The following ZEB2 variants were observed in gnomAD, a reference collection of about 807,000 sequenced individuals.
ZEB2 encodes zinc finger E-box binding homeobox 2.
In ZEB2, 6 loss-of-function variants were observed where a neutral mutation model predicts 99.9. The ratio of observed to expected loss-of-function variants is 0.06; its 90% CI spans 0.03 to 0.12. The LOEUF is 0.12. Ranked by LOEUF, ZEB2 falls within the 10% of genes least tolerant of loss-of-function variation. The pLI is 1.00. For synonymous variants in ZEB2, 517 were observed against 542.5 expected (o/e 0.95, Z 0.65); for missense variants, 969 against 1,502.8 (o/e 0.64, Z 5.87).
intron 2 of ZEB2, chr2:144,470,471 A>T (rs577963594): frequency 6.6e-6 from 1 of 152,144 alleles, no homozygotes; most frequent in African/African-American, 2.4e-5. Flanking sequence ...ATTTGTAATA[A>T]ATGTTCTGCC....
intron 2 of ZEB2, among the ~76,000 whole-genome samples, chr2:144,443,359 C>G (rs1703940364): frequency 6.6e-6 from 1 of 152,090 alleles, no homozygotes; most frequent in African/African-American, 2.4e-5. Context: ...TAAGTATATG[C>G]AAATTCCAAT....
At position 144,511,441 on chromosome 2, in the gene ZEB2, G is replaced by C. The variant is rs983186336; in HGVS notation, c.73+5837C>G. 6.4e-6 allele frequency: 8 copies of C among 1,247,876 alleles called. No individual in the cohort carries two copies. In the African/African-American group the frequency reaches 1.3e-4, roughly 20 times the overall value. The allele number at this position is 1,247,876 out of a possible 1,614,324, so 77.3% of individuals were successfully genotyped here. A position where few individuals can be genotyped will look rare whatever the true frequency, so the allele number is the denominator to read the frequency against. Reference sequence around the variant, plus strand: ...TAACTACTAGTTACACTTTTCCTGAGAGATTTCACTCTGACATGACTGTCA... The same window carrying C: ...TAACTACTAGTTACACTTTTCCTGACAGATTTCACTCTGACATGACTGTCA... On this transcript the variant is annotated intron_variant, in intron 2 of 9. Transcript: ENST00000627532.
intron 2 of ZEB2, among the ~76,000 whole-genome samples, chr2:144,498,969 C>T (rs999860182): frequency 2.0e-5 from 3 of 152,114 alleles, no homozygotes; most frequent in African/African-American, 7.2e-5. Context: ...TTATTTTTCA[C>T]CTTTCTCCCG....
intron 2 of ZEB2, among the ~76,000 whole-genome samples, chr2:144,468,254 C>T (rs1486312217): frequency 6.6e-6 from 1 of 152,146 alleles, no homozygotes; most frequent in African/African-American, 2.4e-5. Context: ...ACAAGGCCTC[C>T]TACAGTTGGA....
chr2:144,498,032 A>T (rs111831044), intron 2 of ZEB2, among the ~76,000 whole-genome samples: 3 of 45,738 alleles, frequency 6.6e-5, no homozygotes, highest in Admixed American at 4.6e-4. Flanking sequence ...ATATTATATA[A>T]TATATATTAA....
rs1553963753 is a variant in ZEB2, at chr2:144,424,919, T to TAC, written c.332-54_332-53dup. 1.9e-6 allele frequency: 3 copies of TAC among 1,577,366 alleles called. No individual in the cohort carries two copies. The African/African-American group carries it at 4.0e-5, about 21-fold the overall frequency. ...TTGAGAATTGTAGAAAGGCTTACTA[T>TAC]ACTAAGCATGCCAAGCACAGGAACA... On this transcript the variant is annotated intron_variant, in intron 3 of 9. Transcript: ENST00000627532.
At chr2:144,450,110 AATAAAT>A (rs1469793218) in intron 2 of ZEB2, 1 of 150,764 alleles carries the variant, frequency 6.6e-6, no homozygotes, top group African/African-American at 2.4e-5. Context: ...GAATTAATAC[AATAAAT>A]ACAACATAGC....
chr2:144,399,881 T>C lies in ZEB2; in HGVS notation c.1306A>G (p.Met436Val), dbSNP rs145812868. The change falls in exon 8 of 10, where the codon ATG becomes GTG. Residue 436 changes from methionine (M) to valine (V), a missense_variant. This residue lies in a region of ZEB2 where 227 missense variants were observed against 278.2 expected (regional missense o/e 0.82). Coordinates refer to ENST00000627532, the MANE Select transcript of ZEB2 (RefSeq NM_014795.4). This position sits in a 1 kb window ranked among gnomAD's most constrained non-coding sequence, Gnocchi z 5.6. ...TCCATCCCTACACCTAAGTGCTGCA[T>C]TGGACTCTGAGCAGATGGATGAACT... The part of the protein sequence containing the change: ...LGVHPSAQSP[M>V]QHLGVGMEAP... The C allele has an allele frequency of 1.4e-4, 223 of 1,614,210 alleles. 1 individual carries two copies. Among genetic ancestry groups the C allele is most frequent in the Admixed American group, 9.8e-4 (59 of 60,026 alleles).
Position 144,497,995 on chromosome 2 carries a change from ATATATTATATAAT to A in ZEB2, c.73+19270_73+19282del, listed in dbSNP as rs1176487366. Among the ~76,000 whole-genome samples the A allele has an allele frequency of 8.2e-3, 18 of 2,208 alleles. 2 individuals carry two copies. Among genetic ancestry groups the A allele is most frequent in the East Asian group, 0.029 (1 of 34 alleles). 1.4% of individuals were successfully genotyped at this position (2,208 alleles called of 152,430 possible). A position where few individuals can be genotyped will look rare whatever the true frequency, so the allele number is the denominator to read the frequency against. ...ATATATTATATAATATATTAATATTATATATTATATAATATATTAATATTATATATTATATAAT... is the reference window on the plus strand; with the variant it reads ...ATATATTATATAATATATTAATATTAATATTAATATTATATATTATATAAT... On this transcript the variant is annotated intron_variant, in intron 2 of 9. Transcript: ENST00000627532.
chr2:144,385,747 T>C lies in ZEB2; in HGVS notation c.*3704A>G, dbSNP rs1191516743. ...TTCAGTTCAAATACATGTAAACTTA[T>C]TATTGGGCAGTCTCCTCAAATTTGT... On this transcript the variant is annotated 3_prime_UTR_variant, in exon 10 of 10. Transcript: ENST00000627532. 6.6e-6 allele frequency: 1 copy of C among 152,222 alleles called. No homozygotes were observed. The highest frequency in any genetic ancestry group is 1.5e-5 in the Non-Finnish European group (1 of 68,034). The allele number at this position is 152,222 out of a possible 1,614,324, so 9.4% of individuals were successfully genotyped here.
chr2:144,474,917 T>G (rs1316167902), intron 2 of ZEB2, among the ~76,000 whole-genome samples: 2 of 152,234 alleles, frequency 1.3e-5, no homozygotes, highest in African/African-American at 4.8e-5. Context: ...TTACAAGAAT[T>G]ACTTTCTTAC....
At chr2:144,505,462 G>A (rs1704939490) in intron 2 of ZEB2, among the ~76,000 whole-genome samples, 1 of 152,210 alleles carries the variant, frequency 6.6e-6, no homozygotes, top group South Asian at 2.1e-4. Context: ...TGCAGTTTCA[G>A]AGTACTGATT....
chr2:144,472,129 G>C (rs1246648662), intron 2 of ZEB2, among the ~76,000 whole-genome samples: 1 of 152,008 alleles, frequency 6.6e-6, no homozygotes, highest in Non-Finnish European at 1.5e-5. Context: ...AATACTGTAT[G>C]TTTCCTGGAC....
chr2:144,401,731 C>T (rs529075682), intron 6 of ZEB2, among the ~76,000 whole-genome samples: 70 of 151,984 alleles, frequency 4.6e-4, no homozygotes, highest in Middle Eastern at 6.8e-3. Flanking sequence ...AAAAACCACC[C>T]CCACACAACA....
chr2:144,386,211 TA>T lies in ZEB2; in HGVS notation c.*3239del. On this transcript the variant is annotated 3_prime_UTR_variant, in exon 10 of 10. Coordinates refer to ENST00000627532, the MANE Select transcript of ZEB2 (RefSeq NM_014795.4). ...GCGTGTGGGAAGAGTAAGTAGTTGA[TA>T]AAACAGAAGAACACATCTGATGTTA... 1 of 152,164 alleles carries T rather than the reference TA, an allele frequency of 6.6e-6. No homozygotes were observed. The allele number at this position is 152,164 out of a possible 1,614,324, so 9.4% of individuals were successfully genotyped here.
At chr2:144,517,838 C>A in intron 1 of ZEB2, 2 of 572,232 alleles carry the variant, frequency 3.5e-6, no homozygotes, top group Non-Finnish European at 6.3e-6. Flanking sequence ...TCCCCCCACC[C>A]CCCAATTCCC....
In ZEB2 at chr2:144,513,731, G is replaced by C. The variant is rs1405938407; in HGVS notation, c.73+3547C>G. 2.0e-6 allele frequency: 3 copies of C among 1,536,012 alleles called. 1 individual carries two copies. In the South Asian group the frequency reaches 3.6e-5, roughly 18 times the overall value. Reference sequence around the variant, plus strand: ...GCAACAAACTTTGCAAGTTACAAACGGGCCGCACCGGTGGCAAGCAGCAGC... The same window carrying C: ...GCAACAAACTTTGCAAGTTACAAACCGGCCGCACCGGTGGCAAGCAGCAGC... On this transcript the variant is annotated intron_variant, in intron 2 of 9. Coordinates refer to ENST00000627532, the MANE Select transcript of ZEB2 (RefSeq NM_014795.4).
intron 4 of ZEB2, among the ~76,000 whole-genome samples, chr2:144,419,104 T>G (rs1186411402): frequency 1.3e-5 from 2 of 152,234 alleles, no homozygotes; most frequent in Non-Finnish European, 2.9e-5. Context: ...AATGAAGGCT[T>G]ATCAATTACA....
At chr2:144,511,299 A>C (rs78588471) in intron 2 of ZEB2, 1 of 837,812 alleles carries the variant, frequency 1.2e-6, no homozygotes, top group Non-Finnish European at 1.5e-6. Flanking sequence ...AGATACACGC[A>C]TGGATGGCTT....
Sources: gnomAD v4.1 joint callset for allele counts (sites outside exome capture counted in the v4.1 genomes callset) on GRCh38, gnomAD v4.1.1 for gene constraint, gnomAD v4.1.1 regional missense constraint, Gnocchi (gnomAD v3.1) non-coding constraint, MANE v1.5 for transcripts, NCBI Gene and HGNC (gene_info 2026-07-23, HGNC 2026-07-21) for gene names.